PLXNB1: variants seen among roughly 807,000 people sequenced by gnomAD.
PLXNB1 encodes plexin-B1.
PLXNB1 carries 106 observed loss-of-function variants against 209.4 expected under a neutral mutation model. That is an observed-to-expected ratio of 0.51 (90% CI 0.43 to 0.59). The LOEUF (loss-of-function observed/expected upper bound fraction) is 0.59, where lower values mean the gene tolerates loss of function less well. PLXNB1 is among the 20% of genes least tolerant of loss of function. PLXNB1 has a pLI of 0.00. For synonymous variants in PLXNB1, 1,167 were observed against 1,183.2 expected (o/e 0.99, Z 0.28); for missense variants, 2,357 against 2,853.2 (o/e 0.83, Z 3.96).
At chr3:48,423,223 A>AGAACC (rs1324445009) in intron 3 of PLXNB1, among the ~76,000 whole-genome samples, 1 of 151,812 alleles carries the variant, frequency 6.6e-6, no homozygotes, top group Non-Finnish European at 1.5e-5. Context: ...CCCTGTCCCT[A>AGAACC]CCCAAGAACC....
At position 48,418,486 on chromosome 3, in the gene PLXNB1, G is replaced by A. The variant is rs537049549; in HGVS notation, c.3012C>T (p.Ala1004=). 38 of 1,612,480 alleles carry A rather than the reference G, an allele frequency of 2.4e-5. No homozygotes were observed. Among genetic ancestry groups the A allele is most frequent in the East Asian group, 1.8e-4 (8 of 44,778 alleles). ...ELRVGLFLRR[A]GRLRVDSAEG... is the part of the protein sequence containing the mutation. ...CAGCACTGTCCACACGCAGACGGCC[G>A]GCCCGACGCAGAAACAGCCCCACAC... The change falls in exon 14 of 38, where the codon GCC becomes GCT. Residue 1004 remains alanine (A), a synonymous_variant. Coordinates refer to ENST00000296440, the MANE Select transcript of PLXNB1 (RefSeq NM_001130082.3). This position sits in a 1 kb window ranked among gnomAD's most constrained non-coding sequence, Gnocchi z 6.6.
rs1276551316 is a variant in PLXNB1 at position 48,429,075 on chromosome 3, C to T, written c.-60+933G>A. ...CTCCACCTCCTCAGTCTCCCAATCG[C>T]GTTCCAGGCGGAGTCGCCAGAGTTT... On this transcript the variant is annotated intron_variant, in intron 1 of 37. Coordinates refer to ENST00000296440, the MANE Select transcript of PLXNB1 (RefSeq NM_001130082.3). The surrounding 1 kb of genome is among the most constrained non-coding windows in gnomAD (Gnocchi z 6.4). Among the ~76,000 whole-genome samples the T allele has an allele frequency of 6.6e-6, 1 of 152,216 alleles. No individual in the cohort carries two copies. The highest frequency in any genetic ancestry group is 1.5e-5 in the Non-Finnish European group (1 of 68,028).
intron 34 of PLXNB1, among the ~76,000 whole-genome samples, chr3:48,407,356 C>G (rs1275120000): frequency 6.6e-6 from 1 of 152,126 alleles, no homozygotes; most frequent in Non-Finnish European, 1.5e-5. Context: ...CTCCACATGC[C>G]ACCATCTAGA....
At chr3:48,422,257 C>T in intron 5 of PLXNB1, 52 bp from the exon 6 acceptor site, 1 of 1,611,512 alleles carries the variant, frequency 6.2e-7, no homozygotes, top group Non-Finnish European at 8.5e-7. Flanking sequence ...CAGTGGCTCA[C>T]CCACAAGTGG....
At position 48,417,443 on chromosome 3, in the gene PLXNB1, G is replaced by A. The variant is rs532162574; in HGVS notation, c.3374+468C>T. ...GAAGGCAGCAGGGGTCCCTAGAGAC[G>A]ACAGTGGAGCCTGGCCCTCGGCCAG... On this transcript the variant is annotated intron_variant, in intron 16 of 37. Coordinates refer to ENST00000296440, the MANE Select transcript of PLXNB1 (RefSeq NM_001130082.3). The surrounding 1 kb of genome is among the most constrained non-coding windows in gnomAD (Gnocchi z 4.4). 3.0e-4 allele frequency among the ~76,000 whole-genome samples: 46 copies of A among 152,346 alleles called. No homozygotes were observed. The highest frequency in any genetic ancestry group is 9.9e-4 in the African/African-American group (41 of 41,570).
rs2037626678 is a variant in PLXNB1 at position 48,410,754 on chromosome 3, C to G, written c.5416+114G>C. On this transcript the variant is annotated intron_variant, in intron 29 of 37. Coordinates refer to ENST00000296440, the MANE Select transcript of PLXNB1 (RefSeq NM_001130082.3). This position sits in a 1 kb window ranked among gnomAD's most constrained non-coding sequence, Gnocchi z 6.4. ...AAGATGTTCCAAAGCCAGCTTCTGC[C>G]TGCCTCCCAGCATCCTCCCCACCCT... 8.8e-7 allele frequency: 1 copy of G among 1,139,662 alleles called. No homozygotes were observed. The allele number at this position is 1,139,662 out of a possible 1,614,324, so 70.6% of individuals were successfully genotyped here.
chr3:48,413,072 TG>T lies in PLXNB1; in HGVS notation c.4632del (p.Phe1544LeufsTer5). 1 of 1,613,538 alleles carries T rather than the reference TG, an allele frequency of 6.2e-7. No homozygotes were observed. The highest frequency in any genetic ancestry group is 8.5e-7 in the Non-Finnish European group (1 of 1,179,506). The part of the protein sequence containing the change: ...SSVRDRCKKE[F>X]TDLMTEMTDL... ...GGGCCCATTCTCTCAGCCACACCTG[TG>T]AATTCCTTCTTGCAGCGGTCCCGCA... On this transcript the variant is annotated frameshift_variant, in exon 24 of 38. Transcript: ENST00000296440. LOFTEE classifies it high-confidence loss of function. This position sits in a 1 kb window ranked among gnomAD's most constrained non-coding sequence, Gnocchi z 5.4.
intron 10 of PLXNB1, 110 bp downstream of exon 10, chr3:48,420,555 G>A (rs1412731259): frequency 2.3e-6 from 2 of 853,024 alleles, no homozygotes; most frequent in Non-Finnish European, 3.8e-6. Context: ...AGCGGCTCTG[G>A]TGCTCAGGAC....
In PLXNB1 at chr3:48,409,841, A is replaced by G; in HGVS notation, c.5778+64T>C. On this transcript the variant is annotated intron_variant, in intron 32 of 37. Transcript: ENST00000296440. This position sits in a 1 kb window ranked among gnomAD's most constrained non-coding sequence, Gnocchi z 5.8. ...CTGCACGAGCCCCACACCACCCCCA[A>G]ATCCCACGAGTGGCCATGCTCCCTC... The G allele has an allele frequency of 1.9e-6, 3 of 1,579,540 alleles. No individual in the cohort carries two copies. The South Asian group carries it at 3.4e-5, about 18-fold the overall frequency.
chr3:48,417,321 G>A lies in PLXNB1; in HGVS notation c.3374+590C>T, dbSNP rs2038164191. On this transcript the variant is annotated intron_variant, in intron 16 of 37. Coordinates refer to ENST00000296440, the MANE Select transcript of PLXNB1 (RefSeq NM_001130082.3). This position sits in a 1 kb window ranked among gnomAD's most constrained non-coding sequence, Gnocchi z 4.4. ...TACCCTGATATTCAGCCACGTTTGG[G>A]CCCTGCTGCTTATGGACATCTCCTT... is the stretch of plus-strand genomic sequence containing the variant. 6.6e-6 allele frequency among the ~76,000 whole-genome samples: 1 copy of A among 152,220 alleles called. No individual in the cohort carries two copies. Among genetic ancestry groups the A allele is most frequent in the Non-Finnish European group, 1.5e-5 (1 of 68,046 alleles).
rs1268044763 is a variant in PLXNB1 at position 48,406,493 on chromosome 3, CCACCAAGGGAAGCA to C, written c.6228+316_6228+329del. On this transcript the variant is annotated intron_variant, in intron 36 of 37. Transcript: ENST00000296440. This position sits in a 1 kb window ranked among gnomAD's most constrained non-coding sequence, Gnocchi z 4.4. ...GGGAGAGGTGAAGGGGACACCTGTG[CCACCAAGGGAAGCA>C]CAGCAGTGGGAAGACGCATGCAGGC... The C allele has an allele frequency of 2.0e-5, 16 of 802,312 alleles. No individual in the cohort carries two copies. The Admixed American group carries it at 1.0e-3, about 50-fold the overall frequency. The allele number at this position is 802,312 out of a possible 1,614,324, so 49.7% of individuals were successfully genotyped here.
Position 48,410,152 on chromosome 3 carries a change from C to T in PLXNB1, c.5606-75G>A. On this transcript the variant is annotated intron_variant, in intron 31 of 37. Transcript: ENST00000296440. This position sits in a 1 kb window ranked among gnomAD's most constrained non-coding sequence, Gnocchi z 6.4. ...AGGCCCCCTGTTTCTTGCCAGCTCT[C>T]CCAGGGGTGGGGGCACCTGGTTGAG... 1 of 1,500,216 alleles carries T rather than the reference C, an allele frequency of 6.7e-7. No homozygotes were observed. Among genetic ancestry groups the T allele is most frequent in the Non-Finnish European group, 9.0e-7 (1 of 1,112,824 alleles). 92.9% of individuals were successfully genotyped at this position (1,500,216 alleles called of 1,614,324 possible).
chr3:48,409,424 C>T lies in PLXNB1; in HGVS notation c.5992G>A (p.Asp1998Asn), dbSNP rs1344367872. The T allele has an allele frequency of 3.7e-6, 6 of 1,614,022 alleles. No individual in the cohort carries two copies. The highest frequency in any genetic ancestry group is 5.1e-6 in the Non-Finnish European group (6 of 1,180,028). Residue 1998 changes from aspartate to asparagine, a missense_variant, in exon 34 of 38, where the codon GAC becomes AAC. By Grantham distance (23) the Asp-to-Asn change is conservative. Transcript: ENST00000296440. The surrounding 1 kb of genome is among the most constrained non-coding windows in gnomAD (Gnocchi z 5.8). ...TCCATGTTATCAGATGTTTGCACGT[C>T]GAACACAAACTGCGGGTTTTTTATT... ...NIIKNPQFVF[D>N]VQTSDNMDAV...
In PLXNB1 at chr3:48,414,089, C is replaced by T. The variant is rs372034874; in HGVS notation, c.4210-18G>A. 14 of 1,612,588 alleles carry T rather than the reference C, an allele frequency of 8.7e-6. No individual in the cohort carries two copies. The highest frequency in any genetic ancestry group is 3.3e-5 in the South Asian group (3 of 91,062). On this transcript the variant is annotated intron_variant, in intron 21 of 37. Coordinates refer to ENST00000296440, the MANE Select transcript of PLXNB1 (RefSeq NM_001130082.3). ...TTCTCCCCCTGGAACAGAGGGTCAC[C>T]GATCAGTCACTCAGGACCCTTCCCT...
In PLXNB1 at chr3:48,420,949, T is replaced by C; in HGVS notation, c.1818A>G (p.Val606=). The change falls in exon 9 of 38, where the codon GTA becomes GTG. Residue 606 remains valine (V), a synonymous_variant. Coordinates refer to ENST00000296440, the MANE Select transcript of PLXNB1 (RefSeq NM_001130082.3). ...CAAATCTGAGCTCCACGCTCACGGA[T>C]ACGTAGTCTGCAGAGGGGGAGAGAG... is the stretch of plus-strand genomic sequence containing the variant. ...APVLPRGADY[V]SVSVELRFGA... 7.4e-6 allele frequency: 12 copies of C among 1,612,926 alleles called. No homozygotes were observed. The highest frequency in any genetic ancestry group is 9.3e-6 in the Non-Finnish European group (11 of 1,179,086).
Position 48,424,291 on chromosome 3 carries a change from G to A in PLXNB1, c.321C>T (p.Ala107=). ...GGTGCACGCTCCCGCATACCACCAG[G>A]GCCCCTGGGCTCACCAGGAGCAGCT... The part of the protein sequence containing the change: ...PNQLLLVSPG[A]LVVCGSVHQG... The change falls in exon 3 of 38, where the codon GCC becomes GCT. Residue 107 remains alanine (A), a synonymous_variant. Coordinates refer to ENST00000296440, the MANE Select transcript of PLXNB1 (RefSeq NM_001130082.3). 5.7e-6 allele frequency: 9 copies of A among 1,575,764 alleles called. No homozygotes were observed. Among genetic ancestry groups the A allele is most frequent in the Non-Finnish European group, 7.8e-6 (9 of 1,160,766 alleles).
intron 1 of PLXNB1, among the ~76,000 whole-genome samples, chr3:48,425,805 A>C (rs1406970334): frequency 2.1e-5 from 3 of 145,382 alleles, no homozygotes; most frequent in Non-Finnish European, 4.5e-5. Flanking sequence ...ATATGCCTAC[A>C]ACACACACAC....
In PLXNB1 at chr3:48,406,475, G is replaced by A; in HGVS notation, c.6228+348C>T. Reference sequence around the variant, plus strand: ...TAGGGCGGTTTCAGGAATGGGAGAGGTGAAGGGGACACCTGTGCCACCAAG... The same window carrying A: ...TAGGGCGGTTTCAGGAATGGGAGAGATGAAGGGGACACCTGTGCCACCAAG... On this transcript the variant is annotated intron_variant, in intron 36 of 37. Transcript: ENST00000296440. The surrounding 1 kb of genome is among the most constrained non-coding windows in gnomAD (Gnocchi z 4.4). The A allele has an allele frequency of 1.7e-6, 1 of 600,170 alleles. No individual in the cohort carries two copies. The allele number at this position is 600,170 out of a possible 1,614,324, so 37.2% of individuals were successfully genotyped here.
At position 48,410,514 on chromosome 3, in the gene PLXNB1, C is replaced by T; in HGVS notation, c.5461G>A (p.Asp1821Asn). 6.2e-7 allele frequency: 1 copy of T among 1,613,932 alleles called. No individual in the cohort carries two copies. The highest frequency in any genetic ancestry group is 1.3e-5 in the African/African-American group (1 of 75,014). ...AGACCCTGGACCTCAGAAGTGACAT[C>T]CTCGTCAGAAAGAATGAGGTGCCCG... is the stretch of plus-strand genomic sequence containing the variant. ...VAGHLILSDE[D>N]VTSEVQGLWR... Residue 1821 changes from aspartate (D) to asparagine (N), a missense_variant, in exon 30 of 38, where the codon GAT (aspartate) becomes AAT (asparagine). Physicochemically the swap from Asp to Asn is conservative, Grantham distance 23 (BLOSUM62 1). Around this residue, in one of 7 missense-constraint regions of PLXNB1, gnomAD observed 414 missense variants for 520.5 expected, o/e 0.80. Coordinates refer to ENST00000296440, the MANE Select transcript of PLXNB1 (RefSeq NM_001130082.3). The surrounding 1 kb of genome is among the most constrained non-coding windows in gnomAD (Gnocchi z 6.4).
Sources: allele counts gnomAD v4.1 joint callset (sites outside exome capture counted in the v4.1 genomes callset), GRCh38; gene constraint gnomAD v4.1.1; regional missense constraint gnomAD v4.1.1; non-coding constraint Gnocchi (gnomAD v3.1); transcripts MANE v1.5; gene names NCBI Gene and HGNC (gene_info 2026-07-23, HGNC 2026-07-21).